FRMD1: variants seen among roughly 807,000 people sequenced by gnomAD.
FRMD1 encodes the protein FERM domain containing 1.
Under a neutral mutation model 54.9 loss-of-function variants are expected in FRMD1, and 51 were observed. That is an observed-to-expected ratio of 0.93 (90% CI 0.74 to 1.17). The LOEUF (loss-of-function observed/expected upper bound fraction) is 1.17. FRMD1 is among the 50% of genes most tolerant of loss of function. FRMD1 has a pLI of 0.00. For synonymous variants in FRMD1, 324 were observed against 306.4 expected, an observed-to-expected ratio of 1.06 and a Z score of -0.60; for missense variants, 729 against 743.0, an observed-to-expected ratio of 0.98 and a Z score of 0.22.
intron 1 of FRMD1, among the ~76,000 whole-genome samples, chr6:168,088,594 C>T (rs1000841485): frequency 1.3e-5 from 2 of 152,178 alleles, no homozygotes; most frequent in East Asian, 3.8e-4. Context: ...AAGACAGGAG[C>T]TGTGAACCCA....
rs140729478 is a variant in FRMD1, at chr6:168,060,829, T to C, written c.1274A>G (p.His425Arg). 3 of 1,613,510 alleles carry C rather than the reference T, an allele frequency of 1.9e-6. No individual in the cohort carries two copies. The highest frequency in any genetic ancestry group is 2.2e-5 in the East Asian group (1 of 44,876). The change falls in exon 9 of 11, where the codon CAT (histidine) becomes CGT (arginine). Residue 425 changes from histidine to arginine, a missense_variant. Transcript: ENST00000283309. ...GGGGCTGGAGGACGGCTCCTTCTCA[T>C]GGAGCCCGTGGACCTCCAAGGGCAC... Reference protein sequence around the residue: ...VDVPLEVHGLHEKEPSSSPRT... With the variant: ...VDVPLEVHGLREKEPSSSPRT...
intron 2 of FRMD1, among the ~76,000 whole-genome samples, chr6:168,073,101 G>C (rs1050997065): frequency 1.3e-5 from 2 of 152,174 alleles, no homozygotes; most frequent in Admixed American, 1.3e-4. Context: ...ACTGGGAAAA[G>C]TCCACCAGTA....
rs551190869 is a variant in FRMD1 at position 168,061,318 on chromosome 6, GGAGACCAGGCCTGTGGGTAAACGCT to G, written c.1046-286_1046-262del. Among the ~76,000 whole-genome samples, 6 of 152,280 alleles carry G rather than the reference GGAGACCAGGCCTGTGGGTAAACGCT, an allele frequency of 3.9e-5. No individual in the cohort carries two copies. In the East Asian group the frequency reaches 1.2e-3, roughly 29 times the overall value. Reference sequence around the variant, plus strand: ...CAAGGTGAGGACGTGGAACAGGGAGGGAGACCAGGCCTGTGGGTAAACGCTGAGGCCAGGTCTTGTGCTCAGGTGA... The same window carrying G: ...CAAGGTGAGGACGTGGAACAGGGAGGGAGGCCAGGTCTTGTGCTCAGGTGA... On this transcript the variant is annotated intron_variant, in intron 8 of 10. Transcript: ENST00000283309.
chr6:168,073,620 G>A (rs373658162), intron 2 of FRMD1, among the ~76,000 whole-genome samples: 2 of 152,256 alleles, frequency 1.3e-5, no homozygotes, highest in African/African-American at 4.8e-5. Context: ...AGAAGGGGCC[G>A]GGGCCACCCG....
At chr6:168,075,671 T>C in intron 1 of FRMD1, 1 of 1,280,248 alleles carries the variant, frequency 7.8e-7, no homozygotes, top group Non-Finnish European at 1.1e-6. Context: ...GGCCGCCCTC[T>C]GGGCTCTGTC....
At chr6:168,078,785 C>CTCTGTTTACTCCCAA (rs1800723484) in intron 1 of FRMD1, 97 bp downstream of exon 1, 7 of 88,000 alleles carry the variant, frequency 8.0e-5, no homozygotes, top group East Asian at 7.2e-4. Context: ...CTCACCCCCA[C>CTCTGTTTACTCCCAA]GGCCACCCAG....
At chr6:168,058,748 C>T (rs996026057) in intron 10 of FRMD1, among the ~76,000 whole-genome samples, 4 of 152,184 alleles carry the variant, frequency 2.6e-5, no homozygotes, top group South Asian at 2.1e-4. Flanking sequence ...CACTAGGCCC[C>T]GGGTGGAGGA....
At position 168,066,809 on chromosome 6, in the gene FRMD1, G is replaced by T; in HGVS notation, c.407C>A (p.Pro136His). ...CTGCACTCGGAGGAAGGCCACGAAGGGGGCTCTGGGTTTCTCATTTCCCTA... is the reference window on the plus strand; with the variant it reads ...CTGCACTCGGAGGAAGGCCACGAAGTGGGCTCTGGGTTTCTCATTTCCCTA... ...RNEGNEKPRA[P>H]FVAFLRVQHY... Residue 136 changes from proline (P) to histidine (H), a missense_variant, in exon 4 of 11, where the codon CCC becomes CAC. Physicochemically the swap from Pro to His is moderately conservative, Grantham distance 77. Transcript: ENST00000283309. The T allele has an allele frequency of 1.2e-6, 2 of 1,613,938 alleles. No homozygotes were observed. Among genetic ancestry groups the T allele is most frequent in the Admixed American group, 3.3e-5 (2 of 59,972 alleles).
intron 1 of FRMD1, among the ~76,000 whole-genome samples, chr6:168,092,014 C>G (rs1801023979): frequency 6.6e-6 from 1 of 152,262 alleles, no homozygotes; most frequent in African/African-American, 2.4e-5. Flanking sequence ...GAGCCAGGCT[C>G]TGTCCGGCCT....
upstream of FRMD1, among the ~76,000 whole-genome samples, chr6:168,082,543 A>G (rs751538941): frequency 9.2e-5 from 14 of 152,134 alleles, no homozygotes; most frequent in Non-Finnish European, 1.6e-4. Context: ...CTCTCCTTGC[A>G]TGTTTTCCCA....
At chr6:168,064,150 G>A (rs1035877583) in intron 5 of FRMD1, among the ~76,000 whole-genome samples, 34 of 152,204 alleles carry the variant, frequency 2.2e-4, no homozygotes, top group African/African-American at 8.0e-4. Flanking sequence ...GTGCTCAGAG[G>A]CCAAGGGCAC....
chr6:168,083,029 G>A (rs1025607736), upstream of FRMD1, among the ~76,000 whole-genome samples: 2 of 152,234 alleles, frequency 1.3e-5, no homozygotes, highest in Non-Finnish European at 2.9e-5. Flanking sequence ...CCCCTCACCC[G>A]TGGTGAGTTT....
At position 168,060,854 on chromosome 6, in the gene FRMD1, C is replaced by T. The variant is rs73262843; in HGVS notation, c.1249G>A (p.Val417Met). The T allele has an allele frequency of 1.5e-3, 2,363 of 1,613,708 alleles. 27 individuals are homozygous for T. The African/African-American group carries it at 0.028, about 19-fold the overall frequency. ...TGGAGCCCGTGGACCTCCAAGGGCA[C>T]GTCCACAGACATCTCTCTGGATTCC... ...LRESREMSVDVPLEVHGLHEK... is the reference protein window; with the variant it reads ...LRESREMSVDMPLEVHGLHEK... Residue 417 changes from valine (V) to methionine (M), a missense_variant, in exon 9 of 11, where the codon GTG becomes ATG. Physicochemically the swap from Val to Met is conservative, Grantham distance 21. Transcript: ENST00000283309.
intron 1 of FRMD1, among the ~76,000 whole-genome samples, chr6:168,088,925 C>T (rs992597608): frequency 6.6e-6 from 1 of 152,244 alleles, no homozygotes; most frequent in Non-Finnish European, 1.5e-5. Flanking sequence ...TCAACCTCCC[C>T]ACTCCTTGGG....
chr6:168,064,827 G>T, intron 5 of FRMD1, 44 bp downstream of exon 5: 5 of 1,518,328 alleles, frequency 3.3e-6, no homozygotes, highest in Non-Finnish European at 3.6e-6. Flanking sequence ...AGGTGGACAG[G>T]CACCAGACTA....
At chr6:168,069,055 C>T (rs1035760732) in intron 2 of FRMD1, among the ~76,000 whole-genome samples, 2 of 152,258 alleles carry the variant, frequency 1.3e-5, no homozygotes, top group Non-Finnish European at 2.9e-5. Context: ...ACCACAGCAA[C>T]TCACTGCTTA....
rs569609024 is a variant in FRMD1 at position 168,066,700 on chromosome 6, T to C, written c.461+55A>G. The C allele has an allele frequency of 3.3e-5, 52 of 1,561,176 alleles. No individual in the cohort carries two copies. In the African/African-American group the frequency reaches 5.8e-4, roughly 17 times the overall value. ...TGGCCTTCAGGGGACTTCCACGTCATGCGGCAGATTTTCAGTATTCCAGGA... is the reference window on the plus strand; with the variant it reads ...TGGCCTTCAGGGGACTTCCACGTCACGCGGCAGATTTTCAGTATTCCAGGA... On this transcript the variant is annotated intron_variant, in intron 4 of 10. Transcript: ENST00000283309.
At chr6:168,069,848 C>T (rs1321869301) in intron 2 of FRMD1, among the ~76,000 whole-genome samples, 7 of 152,298 alleles carry the variant, frequency 4.6e-5, no homozygotes, top group East Asian at 3.9e-4. Flanking sequence ...TGGTGATGGG[C>T]GCACCCTTCT....
intron 1 of FRMD1, chr6:168,075,790 G>C: frequency 6.4e-7 from 1 of 1,550,582 alleles, no homozygotes; most frequent in Non-Finnish European, 8.7e-7. Context: ...TCCTACAGCT[G>C]AGCCTCTCAC....
Sources: allele counts gnomAD v4.1 joint callset (sites outside exome capture counted in the v4.1 genomes callset), GRCh38; gene constraint gnomAD v4.1.1; transcripts MANE v1.5; gene names NCBI Gene and HGNC (gene_info 2026-07-23, HGNC 2026-07-21).